The following GLCE variants were observed in gnomAD, a reference collection of about 807,000 sequenced individuals.
GLCE encodes D-glucuronyl C5-epimerase.
GLCE carries 19 observed loss-of-function variants against 47.9 expected under a neutral mutation model. That is an observed-to-expected ratio of 0.40 (90% CI 0.28 to 0.58). The LOEUF is 0.58. Among genes scored for constraint, GLCE ranks in the 20% least tolerant of loss-of-function variants. GLCE has a pLI of 0.48. For synonymous variants in GLCE, 245 were observed against 263.4 expected, an observed-to-expected ratio of 0.93 and a Z score of 0.68; for missense variants, 556 against 743.3, an observed-to-expected ratio of 0.75 and a Z score of 2.93.
At chr15:69,173,066 T>C (rs143941082) in intron 1 of GLCE, among the ~76,000 whole-genome samples, 4 of 152,300 alleles carry the variant, frequency 2.6e-5, no homozygotes, top group Non-Finnish European at 5.9e-5. Flanking sequence ...GTCTCCTTAT[T>C]TGTCTGCAGT....
chr15:69,163,709 T>A (rs1595729097), intron 1 of GLCE, among the ~76,000 whole-genome samples: 1 of 152,302 alleles, frequency 6.6e-6, no homozygotes, highest in East Asian at 1.9e-4. Context: ...GCGGTTTAAT[T>A]TTATAGTTTT....
At chr15:69,161,023 C>T (rs1433783928) in intron 1 of GLCE, among the ~76,000 whole-genome samples, 2 of 146,178 alleles carry the variant, frequency 1.4e-5, no homozygotes, top group African/African-American at 2.6e-5. Context: ...GGGGCTCTTC[C>T]GGCTTGGGGT....
intron 1 of GLCE, among the ~76,000 whole-genome samples, chr15:69,204,470 A>G (rs2052122541): frequency 6.6e-6 from 1 of 151,810 alleles, no homozygotes; most frequent in Non-Finnish European, 1.5e-5. Flanking sequence ...TTTTTGGTAG[A>G]GACAGGGTTT....
chr15:69,204,277 C>CTTTTTTTTT (rs57376738), intron 1 of GLCE, among the ~76,000 whole-genome samples: 1 of 88,342 alleles, frequency 1.1e-5, no homozygotes, highest in Non-Finnish European at 2.2e-5. Flanking sequence ...GATTGTTTTA[C>CTTTTTTTTT]TTTTTTTTTT....
intron 3 of GLCE, among the ~76,000 whole-genome samples, chr15:69,257,944 T>G (rs1303620701): frequency 6.6e-6 from 1 of 151,922 alleles, no homozygotes; most frequent in Non-Finnish European, 1.5e-5. Flanking sequence ...ATATTTTGAC[T>G]TTTTTTCCCC....
At chr15:69,249,340 A>C (rs564240890) in intron 2 of GLCE, among the ~76,000 whole-genome samples, 1 of 152,186 alleles carries the variant, frequency 6.6e-6, no homozygotes, top group South Asian at 2.1e-4. Flanking sequence ...TTTTTTTTAC[A>C]GTTCTTAAAT....
At chr15:69,164,525 A>G (rs2051474659) in intron 1 of GLCE, among the ~76,000 whole-genome samples, 1 of 150,010 alleles carries the variant, frequency 6.7e-6, no homozygotes, top group South Asian at 2.1e-4. Context: ...TTATATACAT[A>G]TGCCATATAT....
chr15:69,229,859 T>A (rs181167259), intron 2 of GLCE, among the ~76,000 whole-genome samples: 238 of 152,110 alleles, frequency 1.6e-3, no homozygotes, highest in African/African-American at 5.5e-3. Context: ...TAAAAAAAAA[T>A]TTCATTTACA....
In GLCE at chr15:69,211,638, GA is replaced by G. The variant is rs541345230; in HGVS notation, c.-14+1242del. ...CCTCCTCAGAAGTCTCTTGGCTGAA[GA>G]AAAAAAAAAGTATATTTTAAAAACA... On this transcript the variant is annotated intron_variant, in intron 2 of 4. Coordinates refer to ENST00000261858, the MANE Select transcript of GLCE (RefSeq NM_015554.3). 2.0e-4 allele frequency among the ~76,000 whole-genome samples: 29 copies of G among 145,840 alleles called. No individual in the cohort carries two copies. The East Asian group carries it at 3.4e-3, about 17-fold the overall frequency.
intron 1 of GLCE, chr15:69,197,332 C>T (rs1595749411): frequency 3.9e-6 from 1 of 255,262 alleles, no homozygotes. Context: ...AAAAGCTTTC[C>T]AAGAGTTTAT....
At chr15:69,241,961 C>G (rs1038865042) in intron 2 of GLCE, among the ~76,000 whole-genome samples, 4 of 152,204 alleles carry the variant, frequency 2.6e-5, no homozygotes, top group Non-Finnish European at 4.4e-5. Context: ...TCTGATAAAG[C>G]TTAGAACCAA....
intron 3 of GLCE, among the ~76,000 whole-genome samples, chr15:69,259,623 T>G (rs2052984050): frequency 6.6e-6 from 1 of 152,244 alleles, no homozygotes; most frequent in Non-Finnish European, 1.5e-5. Flanking sequence ...TTCGTCATTA[T>G]ACTAAATTCT....
At chr15:69,169,474 C>T (rs1566945533) in intron 1 of GLCE, among the ~76,000 whole-genome samples, 1 of 152,072 alleles carries the variant, frequency 6.6e-6, no homozygotes, top group Non-Finnish European at 1.5e-5. Flanking sequence ...CATATGTATA[C>T]ATGTGCCATG....
chr15:69,170,642 T>G (rs1192917860), intron 1 of GLCE, among the ~76,000 whole-genome samples: 1 of 152,256 alleles, frequency 6.6e-6, no homozygotes, highest in East Asian at 1.9e-4. Flanking sequence ...ATTAAAATAC[T>G]TTCTGGTTTA....
At chr15:69,195,887 T>C (rs2051982758) in intron 1 of GLCE, among the ~76,000 whole-genome samples, 1 of 152,170 alleles carries the variant, frequency 6.6e-6, no homozygotes, top group Non-Finnish European at 1.5e-5. Context: ...CAGGTACTGT[T>C]GTATCACATA....
At chr15:69,175,143 C>A (rs542597110) in intron 1 of GLCE, among the ~76,000 whole-genome samples, 2 of 151,910 alleles carry the variant, frequency 1.3e-5, no homozygotes, top group Non-Finnish European at 2.9e-5. Context: ...TGTTTAGTTT[C>A]TACTTTTTTT....
chr15:69,244,614 C>G (rs188552946), intron 2 of GLCE, among the ~76,000 whole-genome samples: 3 of 152,218 alleles, frequency 2.0e-5, no homozygotes, highest in Non-Finnish European at 2.9e-5. Context: ...CCTTTGGAGT[C>G]AGACTGAAAA....
At chr15:69,226,831 G>A (rs556601212) in intron 2 of GLCE, among the ~76,000 whole-genome samples, 12 of 126,560 alleles carry the variant, frequency 9.5e-5, no homozygotes, top group South Asian at 8.3e-4. Flanking sequence ...TGCAACCTCC[G>A]CCTCCCAGGT....
At chr15:69,232,108 G>A (rs879735897) in intron 2 of GLCE, among the ~76,000 whole-genome samples, 8 of 152,062 alleles carry the variant, frequency 5.3e-5, no homozygotes, top group African/African-American at 2.4e-5. Flanking sequence ...TTATATATAC[G>A]TTTGGATGGA....
Sources: gnomAD v4.1 joint callset for allele counts (sites outside exome capture counted in the v4.1 genomes callset) on GRCh38, gnomAD v4.1.1 for gene constraint, MANE v1.5 for transcripts, NCBI Gene and HGNC (gene_info 2026-07-23, HGNC 2026-07-21) for gene names.